Variants in EPB42 observed in about 807,000 individuals in gnomAD.
EPB42 encodes the protein protein 4.2.
EPB42 carries 49 observed loss-of-function variants against 76.9 expected under a neutral mutation model. The ratio of observed to expected loss-of-function variants is 0.64; its 90% CI spans 0.51 to 0.81. EPB42 has a LOEUF of 0.81. Among genes scored for constraint, EPB42 ranks in the 30% least tolerant of loss-of-function variants. The pLI is 0.00. For missense variants in EPB42, 731 were observed against 867.6 expected, an observed-to-expected ratio of 0.84 and a Z score of 1.98; for synonymous variants, 310 against 338.4, an observed-to-expected ratio of 0.92 and a Z score of 0.92.
chr15:43,212,869 G>A (rs781729679), intron 3 of EPB42, among the ~76,000 whole-genome samples: 1 of 152,184 alleles, frequency 6.6e-6, no homozygotes, highest in Non-Finnish European at 1.5e-5. Context: ...ACAGGGGTTA[G>A]ACTAGTTTCT....
chr15:43,210,219 G>A lies in EPB42; in HGVS notation c.654+116C>T. 3.4e-6 allele frequency: 3 copies of A among 895,014 alleles called. No homozygotes were observed. In the Middle Eastern group the frequency reaches 6.5e-4, roughly 194 times the overall value. 55.4% of individuals were successfully genotyped at this position (895,014 alleles called of 1,614,324 possible). A position where few individuals can be genotyped will look rare whatever the true frequency, so the allele number is the denominator to read the frequency against. On this transcript the variant is annotated intron_variant, in intron 5 of 12. Transcript: ENST00000441366. The stretch of plus-strand genomic sequence containing the variant: ...CTGTAGGAACTGTCCCCACACCCTG[G>A]GAGGAGGGGGCCATTTGTGATTTGG...
At chr15:43,208,885 AGAG>A (rs2042248398) in intron 6 of EPB42, 110 bp from the exon 7 acceptor site, 1 of 1,296,338 alleles carries the variant, frequency 7.7e-7, no homozygotes, top group Non-Finnish European at 1.1e-6. Context: ...CTTGGAAAGA[AGAG>A]GAGTGCAGGA....
At chr15:43,202,967 T>C (rs1486518516) in intron 11 of EPB42, 148 bp downstream of exon 11, 2 of 1,016,044 alleles carry the variant, frequency 2.0e-6, no homozygotes, top group African/African-American at 3.2e-5. Context: ...TAAGAAACTA[T>C]GTCTTTCAAG....
At chr15:43,220,662 A>ACCCCCCC in intron 1 of EPB42, 154 bp downstream of exon 1, 1 of 262,904 alleles carries the variant, frequency 3.8e-6, no homozygotes, top group Non-Finnish European at 7.3e-6. Flanking sequence ...CCCCCCCCAC[A>ACCCCCCC]GCCACCTCAT....
chr15:43,203,099 G>C lies in EPB42; in HGVS notation c.1779+16C>G. ...GGTGGCAGACGAGGGCAACTCAGGG[G>C]AGGACTGGTGCCTACCTTGATGGCA... On this transcript the variant is annotated intron_variant, in intron 11 of 12. Coordinates refer to ENST00000441366, the MANE Select transcript of EPB42 (RefSeq NM_001114134.2). The C allele has an allele frequency of 6.2e-7, 1 of 1,614,018 alleles. No homozygotes were observed. Among genetic ancestry groups the C allele is most frequent in the South Asian group, 1.1e-5 (1 of 91,060 alleles).
chr15:43,210,414 C>G lies in EPB42; in HGVS notation c.575G>C (p.Ser192Thr). 1 of 1,613,916 alleles carries G rather than the reference C, an allele frequency of 6.2e-7. No individual in the cohort carries two copies. Among genetic ancestry groups the G allele is most frequent in the Non-Finnish European group, 8.5e-7 (1 of 1,179,988 alleles). Residue 192 changes from serine (S) to threonine (T), a missense_variant, in exon 5 of 13, where the codon AGC (serine) becomes ACC (threonine). Transcript: ENST00000441366. ...CTTGTCCTTGCTCAGCAAGCGCAGG[C>G]TGAGGTCAATGACATCCCCCTCGAA... Reference protein sequence around the residue: ...GQFEGDVIDLSLRLLSKDKQV... With the variant: ...GQFEGDVIDLTLRLLSKDKQV...
intron 1 of EPB42, among the ~76,000 whole-genome samples, chr15:43,217,233 T>G (rs1457475380): frequency 6.6e-6 from 1 of 152,110 alleles, no homozygotes; most frequent in Non-Finnish European, 1.5e-5. Context: ...GCTGCTTGTT[T>G]AAAAGTGTGT....
intron 12 of EPB42, among the ~76,000 whole-genome samples, chr15:43,200,788 C>G (rs2042112904): frequency 6.6e-6 from 1 of 150,436 alleles, no homozygotes; most frequent in African/African-American, 2.5e-5. Flanking sequence ...CAATTCTATT[C>G]CTGGGTATAT....
upstream of EPB42, among the ~76,000 whole-genome samples, chr15:43,221,821 T>TAAA (rs56939497): frequency 0.019 from 1,988 of 107,360 alleles, 61 homozygotes; most frequent in African/African-American, 0.064. Context: ...TCTTATTATG[T>TAAA]AAAAAAAAAA....
Position 43,220,893 on chromosome 15 carries a change from C to A in EPB42, c.-68G>T. 1 of 1,441,414 alleles carries A rather than the reference C, an allele frequency of 6.9e-7. No individual in the cohort carries two copies. The highest frequency in any genetic ancestry group is 1.1e-5 in the South Asian group (1 of 87,860). 89.3% of individuals were successfully genotyped at this position (1,441,414 alleles called of 1,614,324 possible). A position where few individuals can be genotyped will look rare whatever the true frequency, so the allele number is the denominator to read the frequency against. The stretch of plus-strand genomic sequence containing the variant: ...CCTCTCTCAAACTGTTGCTTCTGGG[C>A]TCCTTCTGGGCTTTCTGTCTTCCAG... On this transcript the variant is annotated 5_prime_UTR_variant, in exon 1 of 13. Transcript: ENST00000441366.
chr15:43,215,307 T>C lies in EPB42; in HGVS notation c.218A>G (p.Asn73Ser), dbSNP rs1285118082. ...AQTGEQPSKINRTQATFPISS... is the reference protein window; with the variant it reads ...AQTGEQPSKISRTQATFPISS... Reference sequence around the variant, plus strand: ...AATTGGGAATGTGGCTTGGGTCCTGTTGATCTTGGAAGGCTGCTCTCCTGT... The same window carrying C: ...AATTGGGAATGTGGCTTGGGTCCTGCTGATCTTGGAAGGCTGCTCTCCTGT... Residue 73 changes from asparagine to serine, a missense_variant, in exon 3 of 13, where the codon AAC (asparagine) becomes AGC (serine). Asn to Ser is a conservative substitution (Grantham distance 46). Transcript: ENST00000441366. 6.2e-7 allele frequency: 1 copy of C among 1,614,100 alleles called. No homozygotes were observed. Among genetic ancestry groups the C allele is most frequent in the East Asian group, 2.2e-5 (1 of 44,902 alleles).
At chr15:43,208,887 A>G in intron 6 of EPB42, 112 bp from the exon 7 acceptor site, 1 of 1,284,280 alleles carries the variant, frequency 7.8e-7, no homozygotes, top group Admixed American at 2.2e-5. Flanking sequence ...TGGAAAGAAG[A>G]GGAGTGCAGG....
At chr15:43,207,924 C>T (rs979244934) in intron 8 of EPB42, among the ~76,000 whole-genome samples, 1 of 152,206 alleles carries the variant, frequency 6.6e-6, no homozygotes, top group Admixed American at 6.5e-5. Flanking sequence ...CTGCTGTAAG[C>T]CCCTGGCCTA....
chr15:43,211,642 C>G (rs200945256), intron 3 of EPB42, 108 bp from the exon 4 acceptor site: 4 of 804,888 alleles, frequency 5.0e-6, no homozygotes, highest in East Asian at 2.4e-5. Flanking sequence ...CAGGCCACCC[C>G]GTCAGCTCTG....
intron 3 of EPB42, among the ~76,000 whole-genome samples, chr15:43,213,867 CG>C (rs1300769754): frequency 6.6e-6 from 1 of 152,198 alleles, no homozygotes; most frequent in African/African-American, 2.4e-5. Context: ...TCGGGGAGAA[CG>C]CTGCCCTGGA....
rs989059345 is a variant in EPB42 at position 43,215,028 on chromosome 15, G to C, written c.430+67C>G. The C allele has an allele frequency of 1.6e-5, 23 of 1,407,976 alleles. No individual in the cohort carries two copies. In the African/African-American group the frequency reaches 2.0e-4, roughly 12 times the overall value. The allele number at this position is 1,407,976 out of a possible 1,614,324, so 87.2% of individuals were successfully genotyped here. On this transcript the variant is annotated intron_variant, in intron 3 of 12. Transcript: ENST00000441366. ...GGCCTGGTGCAGGTGCTCCCTGCCAGAGCTGCACCCCAGCTCCAGTGTCTG... is the reference window on the plus strand; with the variant it reads ...GGCCTGGTGCAGGTGCTCCCTGCCACAGCTGCACCCCAGCTCCAGTGTCTG...
At chr15:43,221,729 G>T (rs2042461964), upstream of EPB42, among the ~76,000 whole-genome samples, 3 of 151,414 alleles carry the variant, frequency 2.0e-5, no homozygotes, top group Non-Finnish European at 4.4e-5. Context: ...GGGGATCTGG[G>T]CAGTGGGGTA....
At chr15:43,217,453 C>G (rs1020207489) in intron 1 of EPB42, among the ~76,000 whole-genome samples, 1 of 151,770 alleles carries the variant, frequency 6.6e-6, no homozygotes, top group Non-Finnish European at 1.5e-5. Flanking sequence ...GTGTGAGAAC[C>G]GACTAATACA....
intron 3 of EPB42, among the ~76,000 whole-genome samples, chr15:43,212,664 C>G (rs990619722): frequency 1.3e-5 from 2 of 152,104 alleles, no homozygotes; most frequent in African/African-American, 4.8e-5. Context: ...ATTTCTGCCC[C>G]GGGGGTGTCC....
Sources: gnomAD v4.1 joint callset for allele counts (sites outside exome capture counted in the v4.1 genomes callset) on GRCh38, gnomAD v4.1.1 for gene constraint, MANE v1.5 for transcripts, NCBI Gene and HGNC (gene_info 2026-07-23, HGNC 2026-07-21) for gene names.